Variants in FTCDNL1 observed in about 807,000 individuals in gnomAD.
The protein encoded by FTCDNL1 is formiminotransferase N-terminal subdomain-containing protein.
A neutral mutation model predicts 5.9 loss-of-function variants in FTCDNL1; 11 were observed. The observed-to-expected ratio is 1.87, with a 90% CI of 1.18 to 3.10. The LOEUF (loss-of-function observed/expected upper bound fraction) is 3.10. Ranked by LOEUF, FTCDNL1 falls within the 30% of genes most tolerant of loss-of-function variation. FTCDNL1 has a pLI of 0.00. For missense variants in FTCDNL1, 115 were observed against 65.5 expected, an observed-to-expected ratio of 1.76 and a Z score of -2.61; for synonymous variants, 58 against 24.8, an observed-to-expected ratio of 2.34 and a Z score of -3.99.
intron 3 of FTCDNL1, among the ~76,000 whole-genome samples, chr2:199,765,556 A>ATATATATATATATATATTTTTTTT: frequency 9.4e-5 from 4 of 42,664 alleles, no homozygotes; most frequent in African/African-American, 2.6e-4. Context: ...ATATATATAT[A>ATATATATATATATATATTTTTTTT]TTTTTTTTTT....
At chr2:199,776,260 A>G (rs1699064802) in intron 3 of FTCDNL1, among the ~76,000 whole-genome samples, 2 of 152,194 alleles carry the variant, frequency 1.3e-5, no homozygotes, top group Non-Finnish European at 2.9e-5. Context: ...CTTAGGTTTC[A>G]GGGCCATATC....
At chr2:199,788,753 T>C (rs530391735) in intron 3 of FTCDNL1, among the ~76,000 whole-genome samples, 1 of 151,956 alleles carries the variant, frequency 6.6e-6, no homozygotes, top group South Asian at 2.1e-4. Flanking sequence ...AGTTCCTCCT[T>C]TGAAAAGATT....
At chr2:199,747,661 C>T in the FTCDNL1 span, among the ~76,000 whole-genome samples, 2 of 152,030 alleles carry the variant, frequency 1.3e-5, no homozygotes, top group East Asian at 1.9e-4. Context: ...GAGGCCAGCT[C>T]GCATCGTTTA....
chr2:199,750,250 C>G, the FTCDNL1 span, among the ~76,000 whole-genome samples: 2 of 151,592 alleles, frequency 1.3e-5, no homozygotes, highest in African/African-American at 4.8e-5. Context: ...CCCAGCTACT[C>G]AGGAGGCTGA....
In FTCDNL1 at chr2:199,773,799, G is replaced by A. The variant is rs537559867; in HGVS notation, c.212-12964C>T. Among the ~76,000 whole-genome samples the A allele has an allele frequency of 3.3e-5, 5 of 152,232 alleles. No homozygotes were observed. The South Asian group carries it at 1.0e-3, about 32-fold the overall frequency. On this transcript the variant is annotated intron_variant, in intron 3 of 3. Transcript: ENST00000416668. The stretch of plus-strand genomic sequence containing the variant: ...CTATTATGACATTGCTTTTCATTAT[G>A]ATAATTGCATTGCATCTCGCTTCTG...
downstream of FTCDNL1, among the ~76,000 whole-genome samples, chr2:199,758,632 A>C (rs1018398229): frequency 6.6e-6 from 1 of 152,174 alleles, no homozygotes; most frequent in Non-Finnish European, 1.5e-5. Flanking sequence ...AAAACCATTC[A>C]CAAGTATACA....
the FTCDNL1 span, among the ~76,000 whole-genome samples, chr2:199,742,370 A>G: frequency 2.6e-5 from 4 of 152,290 alleles, no homozygotes; most frequent in Non-Finnish European, 5.9e-5. Flanking sequence ...TTAACTGCTC[A>G]AAGGCTCCAA....
intron 4 of FTCDNL1, chr2:199,818,406 G>A (rs1216269237): frequency 1.3e-5 from 2 of 151,968 alleles, no homozygotes; most frequent in South Asian, 2.1e-4. Flanking sequence ...TCATAGGGAA[G>A]AAAAAAATAG....
At chr2:199,701,097 T>C in the FTCDNL1 span, among the ~76,000 whole-genome samples, 222 of 152,252 alleles carry the variant, frequency 1.5e-3, no homozygotes, top group Non-Finnish European at 2.1e-3. Flanking sequence ...CAGAATTATC[T>C]ATTTCAGAAA....
At chr2:199,706,422 C>T in the FTCDNL1 span, among the ~76,000 whole-genome samples, 2 of 152,156 alleles carry the variant, frequency 1.3e-5, no homozygotes, top group Non-Finnish European at 2.9e-5. Flanking sequence ...TCACCTTGGG[C>T]ACTCTGTTAA....
At chr2:199,809,119 C>T (rs1700886529), downstream of FTCDNL1, among the ~76,000 whole-genome samples, 1 of 152,080 alleles carries the variant, frequency 6.6e-6, no homozygotes, top group African/African-American at 2.4e-5. Context: ...TCGTTGTAAT[C>T]ATATTGACAG....
chr2:199,675,638 T>C, the FTCDNL1 span, among the ~76,000 whole-genome samples: 5 of 152,282 alleles, frequency 3.3e-5, no homozygotes, highest in South Asian at 1.0e-3. Context: ...CTTGGTCCTT[T>C]TGAGTGTGGC....
At chr2:199,770,392 G>C (rs115292998) in intron 3 of FTCDNL1, among the ~76,000 whole-genome samples, 8 of 152,152 alleles carry the variant, frequency 5.3e-5, no homozygotes, top group Non-Finnish European at 1.0e-4. Flanking sequence ...GTCCAACATC[G>C]CATAGTCAGT....
At chr2:199,794,468 A>G (rs1294367570) in intron 3 of FTCDNL1, among the ~76,000 whole-genome samples, 1 of 152,210 alleles carries the variant, frequency 6.6e-6, no homozygotes, top group Non-Finnish European at 1.5e-5. Context: ...CTTTCAGTGA[A>G]TCCAATCAGA....
chr2:199,716,558 G>A, the FTCDNL1 span, among the ~76,000 whole-genome samples: 10 of 152,254 alleles, frequency 6.6e-5, no homozygotes, highest in African/African-American at 1.7e-4. Flanking sequence ...TCCCTGTGAT[G>A]AAGTTGTTTA....
Position 199,766,910 on chromosome 2 carries a change from T to C in FTCDNL1, c.212-6075A>G, listed in dbSNP as rs138387616. Among the ~76,000 whole-genome samples the C allele has an allele frequency of 1.6e-3, 243 of 152,160 alleles. 1 individual carries two copies. The highest frequency in any genetic ancestry group is 5.6e-3 in the African/African-American group (233 of 41,528). On this transcript the variant is annotated intron_variant, in intron 3 of 3. Transcript: ENST00000416668. ...TTACTGAAATGTGTGGGGAGGAACA[T>C]ACAAAAAGGCCTTAAAAATATACAA...
intron 1 of FTCDNL1, 116 bp from the exon 2 acceptor site, chr2:199,849,085 C>T: frequency 3.3e-6 from 2 of 603,992 alleles, no homozygotes; most frequent in Non-Finnish European, 5.8e-6. Context: ...GAGCACTTTA[C>T]TATTTCATTC....
the FTCDNL1 span, among the ~76,000 whole-genome samples, chr2:199,707,080 T>C: frequency 1.3e-5 from 2 of 152,224 alleles, no homozygotes. Context: ...TTATCACTTA[T>C]ATATATCCCA....
chr2:199,828,157 G>T (rs1468538766), intron 3 of FTCDNL1, among the ~76,000 whole-genome samples: 1 of 151,958 alleles, frequency 6.6e-6, no homozygotes, highest in Non-Finnish European at 1.5e-5. Context: ...GATGGCCTGT[G>T]TTTCAAAAAA....
Sources: allele counts gnomAD v4.1 joint callset (sites outside exome capture counted in the v4.1 genomes callset), GRCh38; gene constraint gnomAD v4.1.1; transcripts MANE v1.5; gene names NCBI Gene and HGNC (gene_info 2026-07-23, HGNC 2026-07-21).